The following GNAS variants were observed in gnomAD, a reference collection of about 807,000 sequenced individuals.
GNAS encodes the protein GNAS complex locus.
A neutral mutation model predicts 54.5 loss-of-function variants in GNAS; 8 were observed. That is an observed-to-expected ratio of 0.15 (90% confidence interval 0.09 to 0.26). The LOEUF (loss-of-function observed/expected upper bound fraction) is 0.26, where lower values mean the gene tolerates loss of function less well. Among genes scored for constraint, GNAS ranks in the 10% least tolerant of loss-of-function variants. GNAS has a pLI of 1.00. For synonymous variants in GNAS, 204 were observed against 191.4 expected (o/e 1.07, Z -0.54); for missense variants, 170 against 529.8 (o/e 0.32, Z 6.67).
At chr20:58,840,458 G>GA (rs779115304), upstream of GNAS, 77 of 1,613,408 alleles carry the variant, frequency 4.8e-5, no homozygotes, top group Non-Finnish European at 6.3e-5. This position sits in a 1 kb window ranked among gnomAD's most constrained non-coding sequence, Gnocchi z 6.0. Context: ...GACCGAGTCC[G>GA]AAATCGAGTC....
intron 1 of GNAS, chr20:58,854,100 G>A: frequency 6.2e-7 from 1 of 1,612,430 alleles, no homozygotes; most frequent in Non-Finnish European, 8.5e-7. Context: ...CTGGGTCCCA[G>A]GCGCCATCGG....
In GNAS at chr20:58,911,092, G is replaced by C; in HGVS notation, c.*263G>C. 1 of 616,476 alleles carries C rather than the reference G, an allele frequency of 1.6e-6. No homozygotes were observed. The highest frequency in any genetic ancestry group is 3.0e-6 in the Non-Finnish European group (1 of 336,648). The allele number at this position is 616,476 out of a possible 1,614,324, so 38.2% of individuals were successfully genotyped here. ...TTCAGTAAAAATAAATAAAACAGCA[G>C]CAGCAAACAAATAAAATGAAATAAA... On this transcript the variant is annotated 3_prime_UTR_variant, in exon 13 of 13. Transcript: ENST00000371085.
At chr20:58,890,048 G>A (rs1395953554), upstream of GNAS, among the ~76,000 whole-genome samples, 1 of 151,678 alleles carries the variant, frequency 6.6e-6, no homozygotes, top group Non-Finnish European at 1.5e-5. Flanking sequence ...AGAAGCTCGC[G>A]AAGAACCCCA....
chr20:58,850,916 C>T, intron 1 of GNAS: 2 of 398,748 alleles, frequency 5.0e-6, no homozygotes, highest in Non-Finnish European at 8.8e-6. Context: ...GGACCTCCCA[C>T]CCATATCCGG....
upstream of GNAS, chr20:58,889,383 G>A (rs1391021024): frequency 3.0e-6 from 3 of 983,768 alleles, no homozygotes; most frequent in Non-Finnish European, 3.6e-6. Context: ...GGCCTCCCGC[G>A]GAAGTGCGAG....
At chr20:58,866,216 C>T (rs1452208368) in intron 1 of GNAS, among the ~76,000 whole-genome samples, 1 of 152,164 alleles carries the variant, frequency 6.6e-6, no homozygotes, top group Non-Finnish European at 1.5e-5. Context: ...AGAGAACCAG[C>T]CTACTGCATG....
At chr20:58,902,722 C>A (rs1237850719) in intron 3 of GNAS, among the ~76,000 whole-genome samples, 3 of 81,412 alleles carry the variant, frequency 3.7e-5, no homozygotes, top group African/African-American at 9.1e-5. Context: ...ATCGCACATA[C>A]GACTTTTTTT....
At chr20:58,882,973 C>G (rs1288173797) in intron 1 of GNAS, 1 of 152,168 alleles carries the variant, frequency 6.6e-6, no homozygotes, top group African/African-American at 2.4e-5. Flanking sequence ...TTCCCTCTTT[C>G]CACGGTAGCT....
At chr20:58,895,584 T>C (rs1474186008) in intron 1 of GNAS, 28 bp from the exon 2 acceptor site, 1 of 1,455,962 alleles carries the variant, frequency 6.9e-7, no homozygotes, top group South Asian at 1.1e-5. Context: ...GCCTCCTTCA[T>C]AACCTGAGAC....
In GNAS at chr20:58,853,967, GGAC is replaced by G. The variant is rs776463826; in HGVS notation, c.43+13085_43+13087del. The G allele has an allele frequency of 1.4e-5, 23 of 1,612,092 alleles. No individual in the cohort carries two copies. Among genetic ancestry groups the G allele is most frequent in the Non-Finnish European group, 1.9e-5 (23 of 1,179,732 alleles). On this transcript the variant is annotated intron_variant, in intron 1 of 12. Transcript: ENST00000306090. The surrounding 1 kb of genome is among the most constrained non-coding windows in gnomAD (Gnocchi z 4.4). Reference sequence around the variant, plus strand: ...TTGAGCTTGATGGAGAAGGATTTGGGGACGACAGCCCACCCCCGGGGCTTTCCC... The same window carrying G: ...TTGAGCTTGATGGAGAAGGATTTGGGGACAGCCCACCCCCGGGGCTTTCCC...
chr20:58,861,896 G>A (rs1424547855), intron 1 of GNAS, among the ~76,000 whole-genome samples: 1 of 151,876 alleles, frequency 6.6e-6, no homozygotes, highest in African/African-American at 2.4e-5. Context: ...GTAGAGACGG[G>A]GTTTCACCAT....
intron 1 of GNAS, 89 bp from the exon 2 acceptor site, chr20:58,895,523 A>G (rs560664232): frequency 3.1e-5 from 25 of 811,898 alleles, no homozygotes; most frequent in South Asian, 2.6e-4. Flanking sequence ...TGTTGCTTCT[A>G]TGGAAAAACA....
rs1304925349 is a variant in GNAS, at chr20:58,900,022, A to C, written c.257+1037A>C. ...TGTCCTATCACAATTTGCATGCTGG[A>C]ATTGCTCGGTCTTAGGAACTTCTAA... On this transcript the variant is annotated intron_variant, in intron 3 of 12. Transcript: ENST00000371085. 21 of 715,556 alleles carry C rather than the reference A, an allele frequency of 2.9e-5. No individual in the cohort carries two copies. In the East Asian group the frequency reaches 5.6e-4, roughly 19 times the overall value. The allele number at this position is 715,556 out of a possible 1,614,324, so 44.3% of individuals were successfully genotyped here.
intron 1 of GNAS, among the ~76,000 whole-genome samples, chr20:58,870,621 T>G (rs982458516): frequency 1.3e-5 from 2 of 152,236 alleles, no homozygotes; most frequent in Non-Finnish European, 2.9e-5. Context: ...CCGGGGACCT[T>G]ACTTTTAACA....
At chr20:58,839,996 G>A, upstream of GNAS, 2 of 1,240,946 alleles carry the variant, frequency 1.6e-6, 1 homozygote, top group South Asian at 2.5e-5. Context: ...CTCCGGGCCA[G>A]CTTCTCACCT....
intron 1 of GNAS, 44 bp downstream of exon 1, chr20:58,891,909 G>C (rs770793039): frequency 1.0e-6 from 1 of 983,366 alleles, no homozygotes; most frequent in African/African-American, 1.8e-5. Context: ...GGGGGCCCTC[G>C]AAGGGCGCCC....
intron 1 of GNAS, among the ~76,000 whole-genome samples, chr20:58,848,122 G>T (rs943249815): frequency 6.6e-6 from 1 of 152,196 alleles, no homozygotes; most frequent in Non-Finnish European, 1.5e-5. Flanking sequence ...CCTCAGACAT[G>T]CAGAGTTTAA....
At chr20:58,851,067 T>C (rs1164793386) in intron 1 of GNAS, among the ~76,000 whole-genome samples, 1 of 152,210 alleles carries the variant, frequency 6.6e-6, no homozygotes, top group Non-Finnish European at 1.5e-5. Flanking sequence ...GATGCTCAAG[T>C]GGTTAAGCCG....
At chr20:58,872,180 T>C (rs2087512964) in intron 1 of GNAS, among the ~76,000 whole-genome samples, 1 of 152,238 alleles carries the variant, frequency 6.6e-6, no homozygotes, top group Non-Finnish European at 1.5e-5. Context: ...CCCAAGTGTT[T>C]ACCTCCTGAT....
Sources: allele counts gnomAD v4.1 joint callset (sites outside exome capture counted in the v4.1 genomes callset), GRCh38; gene constraint gnomAD v4.1.1; non-coding constraint Gnocchi (gnomAD v3.1); transcripts MANE v1.5; gene names NCBI Gene and HGNC (gene_info 2026-07-23, HGNC 2026-07-21).